CALN1: variants seen among roughly 807,000 people sequenced by gnomAD.
CALN1 encodes the protein calcium-binding protein 8.
Under a neutral mutation model 30.6 loss-of-function variants are expected in CALN1, and 17 were observed. The ratio of observed to expected loss-of-function variants is 0.56; its 90% CI spans 0.38 to 0.83. The LOEUF (loss-of-function observed/expected upper bound fraction) is 0.83, where lower values mean the gene tolerates loss of function less well. CALN1 is among the 40% of genes least tolerant of loss of function. The pLI is 0.00. For synonymous variants in CALN1, 156 were observed against 131.4 expected (o/e 1.19, Z -1.28); for missense variants, 291 against 354.9 (o/e 0.82, Z 1.45).
chr7:72,343,091 G>C (rs1173313260), intron 2 of CALN1, among the ~76,000 whole-genome samples: 1 of 152,172 alleles, frequency 6.6e-6, no homozygotes, highest in East Asian at 1.9e-4. Context: ...CTGGCTTTGG[G>C]ATTGAGCAAT....
intron 3 of CALN1, among the ~76,000 whole-genome samples, chr7:72,190,674 A>G (rs912406509): frequency 6.6e-6 from 1 of 152,220 alleles, no homozygotes; most frequent in Admixed American, 6.5e-5. Context: ...TTATTTTTTA[A>G]TACAAGAGTC....
chr7:71,798,063 GAGAGAGAGAGAGAGACAGAGAGAGAC>G (rs1389077132), intron 6 of CALN1, among the ~76,000 whole-genome samples: 6 of 139,434 alleles, frequency 4.3e-5, no homozygotes, highest in African/African-American at 1.1e-4. Context: ...GAGAGAGACA[GAGAGAGAGAGAGAGACAGAGAGAGAC>G]AGAGAGAGAG....
At chr7:72,095,669 C>T (rs1345665360) in intron 4 of CALN1, among the ~76,000 whole-genome samples, 1 of 152,120 alleles carries the variant, frequency 6.6e-6, no homozygotes, top group Non-Finnish European at 1.5e-5. Flanking sequence ...TTCCATTTGT[C>T]AAAGTGTGCC....
At chr7:71,866,526 T>C (rs1209717323) in intron 5 of CALN1, among the ~76,000 whole-genome samples, 1 of 152,112 alleles carries the variant, frequency 6.6e-6, no homozygotes, top group Non-Finnish European at 1.5e-5. Context: ...ATATAGATCA[T>C]TGATAGATAT....
chr7:72,414,237 C>T (rs187883973), upstream of CALN1, among the ~76,000 whole-genome samples: 46 of 152,172 alleles, frequency 3.0e-4, 1 homozygote, highest in Middle Eastern at 3.4e-3. Flanking sequence ...GTCCTGGGGC[C>T]GAATCCTTCG....
intron 5 of CALN1, among the ~76,000 whole-genome samples, chr7:71,937,554 C>G (rs1795910199): frequency 6.6e-6 from 1 of 152,120 alleles, no homozygotes; most frequent in Non-Finnish European, 1.5e-5. Flanking sequence ...TCATAGCTCA[C>G]TGAAGCCTCA....
At chr7:72,110,716 T>C (rs35401350) in intron 3 of CALN1, among the ~76,000 whole-genome samples, 26,452 of 150,876 alleles carry the variant, frequency 0.18, 2,825 homozygotes, top group East Asian at 0.28. Flanking sequence ...TAGAAATCCA[T>C]AATAGGCACC....
intron 3 of CALN1, among the ~76,000 whole-genome samples, chr7:72,266,995 A>G (rs1403907948): frequency 6.6e-6 from 1 of 151,604 alleles, no homozygotes; most frequent in South Asian, 2.1e-4. Context: ...TATATCTGAC[A>G]CTCCCCCTCT....
At chr7:72,306,952 C>T (rs1300193639) in intron 2 of CALN1, among the ~76,000 whole-genome samples, 1 of 152,194 alleles carries the variant, frequency 6.6e-6, no homozygotes, top group Non-Finnish European at 1.5e-5. Context: ...CTCCAGATAG[C>T]ATCACACGGA....
At chr7:72,024,676 G>C (rs775894174) in intron 4 of CALN1, among the ~76,000 whole-genome samples, 5 of 152,182 alleles carry the variant, frequency 3.3e-5, no homozygotes, top group Non-Finnish European at 7.3e-5. Context: ...TGGGATTACA[G>C]GAGTGAGCCA....
At chr7:72,189,014 G>T (rs548439073) in intron 3 of CALN1, among the ~76,000 whole-genome samples, 4 of 152,170 alleles carry the variant, frequency 2.6e-5, no homozygotes, top group Non-Finnish European at 5.9e-5. Flanking sequence ...GGCTCCTCCA[G>T]TGAGGAAAAA....
chr7:71,804,765 C>A (rs1355944143), intron 6 of CALN1, among the ~76,000 whole-genome samples: 1 of 152,110 alleles, frequency 6.6e-6, no homozygotes, highest in Non-Finnish European at 1.5e-5. Context: ...AGTTCGAGAC[C>A]AGCCTGGCCA....
chr7:72,209,142 A>C (rs1585169763), intron 3 of CALN1, among the ~76,000 whole-genome samples: 5 of 81,152 alleles, frequency 6.2e-5, no homozygotes, highest in African/African-American at 9.9e-5. Flanking sequence ...TCCCTCTTTC[A>C]TTCCTTCCCC....
At chr7:71,851,633 CTTTGG>C (rs1790653334) in intron 5 of CALN1, among the ~76,000 whole-genome samples, 1 of 151,820 alleles carries the variant, frequency 6.6e-6, no homozygotes, top group Non-Finnish European at 1.5e-5. Flanking sequence ...CATTAAAATC[CTTTGG>C]ATAATTGCCC....
At chr7:72,451,368 A>T (rs780427633), upstream of CALN1, among the ~76,000 whole-genome samples, 6 of 135,402 alleles carry the variant, frequency 4.4e-5, no homozygotes, top group Non-Finnish European at 6.3e-5. Flanking sequence ...AAGTAGAAAA[A>T]ATAAGAAAGA....
rs558921229 is a variant in CALN1 at position 72,087,740 on chromosome 7, T to C, written c.388+18411A>G. Among the ~76,000 whole-genome samples the C allele has an allele frequency of 1.3e-4, 20 of 152,204 alleles. No homozygotes were observed. In the South Asian group the frequency reaches 2.9e-3, roughly 22 times the overall value. On this transcript the variant is annotated intron_variant, in intron 4 of 6. Transcript: ENST00000395275. ...AGAGAAAGAACAGCTATGAGGGGTA[T>C]TGGAAGGCCATAGCCCAGGATCTAA... is the stretch of plus-strand genomic sequence containing the variant.
At chr7:72,205,561 T>TACATATATACAC (rs1791791407) in intron 3 of CALN1, among the ~76,000 whole-genome samples, 2 of 77,054 alleles carry the variant, frequency 2.6e-5, no homozygotes, top group African/African-American at 1.5e-4. Flanking sequence ...AATATATATA[T>TACATATATACAC]ATATATGTAT....
At chr7:72,160,902 T>C (rs1460687788) in intron 3 of CALN1, among the ~76,000 whole-genome samples, 1 of 152,178 alleles carries the variant, frequency 6.6e-6, no homozygotes, top group East Asian at 1.9e-4. Flanking sequence ...CCATACCGGA[T>C]AGAAAGCTAG....
At chr7:72,268,792 G>GCCACACACACAAACAC in intron 3 of CALN1, among the ~76,000 whole-genome samples, 1 of 48,852 alleles carries the variant, frequency 2.0e-5, no homozygotes, top group Non-Finnish European at 4.5e-5. Flanking sequence ...GCAAGACCCT[G>GCCACACACACAAACAC]CCACACACAC....
Sources: gnomAD v4.1 joint callset for allele counts (sites outside exome capture counted in the v4.1 genomes callset) on GRCh38, gnomAD v4.1.1 for gene constraint, MANE v1.5 for transcripts, NCBI Gene and HGNC (gene_info 2026-07-23, HGNC 2026-07-21) for gene names.